Variants in GAB2 observed in about 807,000 individuals in gnomAD.
The protein encoded by GAB2 is GRB2-associated-binding protein 2.
Under a neutral mutation model 65.5 loss-of-function variants are expected in GAB2, and 26 were observed. The ratio of observed to expected loss-of-function variants is 0.40; its 90% CI spans 0.29 to 0.55. The LOEUF is 0.55. Ranked by LOEUF, GAB2 falls within the 20% of genes least tolerant of loss-of-function variation. The probability of loss-of-function intolerance (pLI) is 0.53; values close to 1 mark genes in which losing one functional copy is unlikely to be tolerated. For missense variants in GAB2, 884 were observed against 875.8 expected, an observed-to-expected ratio of 1.01 and a Z score of -0.12; for synonymous variants, 321 against 329.6, an observed-to-expected ratio of 0.97 and a Z score of 0.28.
intron 1 of GAB2, among the ~76,000 whole-genome samples, chr11:78,364,540 C>T (rs1358238764): frequency 3.9e-5 from 6 of 152,124 alleles, no homozygotes; most frequent in African/African-American, 1.4e-4. Context: ...AACTCATTAC[C>T]ATTGATTTCA....
intron 3 of GAB2, among the ~76,000 whole-genome samples, chr11:78,242,501 C>CAAAAAA (rs1280671808): frequency 7.1e-6 from 1 of 140,044 alleles, no homozygotes. Flanking sequence ...GACTCCGTCT[C>CAAAAAA]AAAACAAAAA....
At chr11:78,244,106 C>G (rs2512521) in intron 3 of GAB2, among the ~76,000 whole-genome samples, 151,169 of 152,312 alleles carry the variant, frequency 0.99, 75,035 homozygotes, top group Middle Eastern at 1. Context: ...GCTGGGTGTG[C>G]TGGCTCACAT....
At chr11:78,408,001 A>T (rs1212566688) in intron 1 of GAB2, among the ~76,000 whole-genome samples, 2 of 152,184 alleles carry the variant, frequency 1.3e-5, no homozygotes, top group African/African-American at 4.8e-5. Context: ...AAGGAAAATA[A>T]AGACAATTTA....
intron 1 of GAB2, among the ~76,000 whole-genome samples, chr11:78,299,376 C>A (rs1410476367): frequency 1.3e-5 from 2 of 152,140 alleles, no homozygotes; most frequent in East Asian, 3.9e-4. Context: ...CAGGAAAAGA[C>A]AGAGGATTGA....
chr11:78,389,576 G>C (rs1466325367), intron 1 of GAB2, among the ~76,000 whole-genome samples: 2 of 152,066 alleles, frequency 1.3e-5, no homozygotes, highest in East Asian at 3.8e-4. Context: ...CCAAAGTGCT[G>C]GATTACAGGC....
intron 1 of GAB2, among the ~76,000 whole-genome samples, chr11:78,282,745 C>T (rs1866368993): frequency 6.6e-6 from 1 of 152,132 alleles, no homozygotes; most frequent in Non-Finnish European, 1.5e-5. Flanking sequence ...TTTGTATACA[C>T]CCTGAAGCAC....
chr11:78,388,026 A>G (rs1856790450), intron 1 of GAB2: 1 of 151,098 alleles, frequency 6.6e-6, no homozygotes, highest in South Asian at 2.1e-4. Context: ...TATAATATGC[A>G]TAATAAATTA....
At chr11:78,341,433 T>C (rs1158012641) in intron 1 of GAB2, among the ~76,000 whole-genome samples, 2 of 152,234 alleles carry the variant, frequency 1.3e-5, no homozygotes, top group East Asian at 3.8e-4. Context: ...TGCCTTTAGA[T>C]GTGCTGAGCT....
At chr11:78,304,157 G>C (rs1239101109) in intron 1 of GAB2, among the ~76,000 whole-genome samples, 1 of 151,870 alleles carries the variant, frequency 6.6e-6, no homozygotes, top group East Asian at 1.9e-4. Context: ...CAAATTTATT[G>C]AAGTAAAGTT....
chr11:78,311,349 T>C (rs1315798928), intron 1 of GAB2, among the ~76,000 whole-genome samples: 26 of 152,168 alleles, frequency 1.7e-4, no homozygotes. Flanking sequence ...AAAATGAAGA[T>C]GATAATCCTA....
intron 2 of GAB2, among the ~76,000 whole-genome samples, chr11:78,265,346 G>C (rs188414628): frequency 3.3e-5 from 5 of 152,196 alleles, no homozygotes; most frequent in African/African-American, 1.2e-4. Flanking sequence ...TCAGCTGCAT[G>C]ATCTTGAACA....
chr11:78,271,097 T>G lies in GAB2; in HGVS notation c.376+9504A>C, dbSNP rs958417667. Reference sequence around the variant, plus strand: ...AATTCAAAAGGGGTGATGGCTTTCCTAACAGGGGTTGACTCCTGAGCACAT... The same window carrying G: ...AATTCAAAAGGGGTGATGGCTTTCCGAACAGGGGTTGACTCCTGAGCACAT... On this transcript the variant is annotated intron_variant, in intron 2 of 9. Coordinates refer to ENST00000361507, the MANE Select transcript of GAB2 (RefSeq NM_080491.3). 2.6e-5 allele frequency among the ~76,000 whole-genome samples: 4 copies of G among 152,208 alleles called. 1 individual carries two copies. The highest frequency in any genetic ancestry group is 2.6e-4 in the Admixed American group (4 of 15,284).
rs751533828 is a variant in GAB2 at position 78,267,857 on chromosome 11, CAAAAAAA to C, written c.376+12737_376+12743del. Among the ~76,000 whole-genome samples the C allele has an allele frequency of 4.9e-4, 16 of 32,796 alleles. 1 individual carries two copies. Among genetic ancestry groups the C allele is most frequent in the East Asian group, 3.3e-3 (2 of 614 alleles). 21.5% of individuals were successfully genotyped at this position (32,796 alleles called of 152,430 possible). A position where few individuals can be genotyped will look rare whatever the true frequency, so the allele number is the denominator to read the frequency against. On this transcript the variant is annotated intron_variant, in intron 2 of 9. Transcript: ENST00000361507. ...TGGGTGATAGAGCGAGACTCCGTCTCAAAAAAAAAAAAAAAAAAAAAAAAGAGTCTCT... is the reference window on the plus strand; with the variant it reads ...TGGGTGATAGAGCGAGACTCCGTCTCAAAAAAAAAAAAAAAAAGAGTCTCT...
intron 5 of GAB2, among the ~76,000 whole-genome samples, chr11:78,224,547 A>C (rs558158446): frequency 6.6e-6 from 1 of 152,280 alleles, no homozygotes; most frequent in African/African-American, 2.4e-5. Context: ...CTCTTGCTCT[A>C]TCTGCCGTGA....
intron 3 of GAB2, among the ~76,000 whole-genome samples, chr11:78,228,294 T>C (rs1864747037): frequency 2.0e-5 from 3 of 152,240 alleles, no homozygotes; most frequent in Non-Finnish European, 2.9e-5. Flanking sequence ...TCTGCTTCTT[T>C]AGCTTGTGTA....
At chr11:78,411,835 T>G (rs887621623) in intron 1 of GAB2, among the ~76,000 whole-genome samples, 1 of 151,676 alleles carries the variant, frequency 6.6e-6, no homozygotes, top group Non-Finnish European at 1.5e-5. Context: ...ATTGAGACCA[T>G]CCTGGCCAAC....
At chr11:78,241,007 G>A (rs1435685567) in intron 3 of GAB2, among the ~76,000 whole-genome samples, 2 of 152,214 alleles carry the variant, frequency 1.3e-5, no homozygotes, top group Non-Finnish European at 2.9e-5. Flanking sequence ...CACTGCTGCA[G>A]CTACTTGTAG....
intron 1 of GAB2, among the ~76,000 whole-genome samples, chr11:78,368,029 G>A (rs1319468878): frequency 6.6e-6 from 1 of 151,654 alleles, no homozygotes; most frequent in Non-Finnish European, 1.5e-5. Flanking sequence ...TGTTAGCCAA[G>A]ATGGTCTCAA....
At chr11:78,397,376 T>C (rs989494933) in intron 1 of GAB2, among the ~76,000 whole-genome samples, 1 of 152,234 alleles carries the variant, frequency 6.6e-6, no homozygotes, top group African/African-American at 2.4e-5. Flanking sequence ...ACAAAGGGCA[T>C]GGTGCATTGG....
Sources: gnomAD v4.1 joint callset for allele counts (sites outside exome capture counted in the v4.1 genomes callset) on GRCh38, gnomAD v4.1.1 for gene constraint, MANE v1.5 for transcripts, NCBI Gene and HGNC (gene_info 2026-07-23, HGNC 2026-07-21) for gene names.